The following CEMIP variants were observed in gnomAD, a reference collection of about 807,000 sequenced individuals.
The protein encoded by CEMIP is cell migration-inducing and hyaluronan-binding protein.
CEMIP carries 105 observed loss-of-function variants against 156.9 expected under a neutral mutation model. That is an observed-to-expected ratio of 0.67 (90% CI 0.57 to 0.79). The LOEUF (loss-of-function observed/expected upper bound fraction) is 0.79, where lower values mean the gene tolerates loss of function less well. Ranked by LOEUF, CEMIP falls within the 30% of genes least tolerant of loss-of-function variation. CEMIP has a pLI of 0.00. For missense variants in CEMIP, 1,457 were observed against 1,769.4 expected (o/e 0.82, Z 3.17); for synonymous variants, 676 against 668.4 (o/e 1.01, Z -0.17).
chr15:80,932,102 C>T lies in CEMIP; in HGVS notation c.2793+63C>T. 1.9e-6 allele frequency: 3 copies of T among 1,577,988 alleles called. No individual in the cohort carries two copies. The highest frequency in any genetic ancestry group is 2.6e-6 in the Non-Finnish European group (3 of 1,157,888). On this transcript the variant is annotated intron_variant, in intron 22 of 29. Coordinates refer to ENST00000394685, the MANE Select transcript of CEMIP (RefSeq NM_001293298.2). This position sits in a 1 kb window ranked among gnomAD's most constrained non-coding sequence, Gnocchi z 4.5. ...GACTTTGGATGGTGATTCACAAGTC[C>T]CCTGGGTCCCAGAGTTTGAGCTATT...
chr15:80,936,557 T>A (rs1226934249), intron 23 of CEMIP, 117 bp from the exon 24 acceptor site: 2 of 900,954 alleles, frequency 2.2e-6, no homozygotes, highest in Non-Finnish European at 3.7e-6. Flanking sequence ...CTAAAAAGGG[T>A]TCTGTAAAGA....
intron 12 of CEMIP, among the ~76,000 whole-genome samples, chr15:80,899,971 T>C (rs1687747644): frequency 6.6e-6 from 1 of 152,082 alleles, no homozygotes; most frequent in Non-Finnish European, 1.5e-5. Flanking sequence ...GGGCCTGGGG[T>C]AGCATTTGGA....
intron 1 of CEMIP, among the ~76,000 whole-genome samples, chr15:80,783,835 A>G (rs2141557782): frequency 6.6e-6 from 1 of 152,276 alleles, no homozygotes; most frequent in Non-Finnish European, 1.5e-5. Flanking sequence ...GCTTGCAGAG[A>G]AATGTCATCA....
chr15:80,826,685 G>A (rs911322617), intron 1 of CEMIP, among the ~76,000 whole-genome samples: 1 of 152,086 alleles, frequency 6.6e-6, no homozygotes, highest in African/African-American at 2.4e-5. Flanking sequence ...GCCAGACTTG[G>A]GGCAGAGGCC....
intron 1 of CEMIP, among the ~76,000 whole-genome samples, chr15:80,867,568 C>G (rs1018962339): frequency 6.6e-6 from 1 of 152,198 alleles, no homozygotes; most frequent in African/African-American, 2.4e-5. Context: ...GGCTGGGGTG[C>G]CCTGTCCCTG....
intron 1 of CEMIP, among the ~76,000 whole-genome samples, chr15:80,871,232 G>A (rs1898278874): frequency 6.6e-6 from 1 of 152,216 alleles, no homozygotes. Context: ...TCACGGACAA[G>A]AAGGCACGGA....
chr15:80,802,113 TC>T (rs1896391980), intron 1 of CEMIP, among the ~76,000 whole-genome samples: 1 of 152,228 alleles, frequency 6.6e-6, no homozygotes, highest in Admixed American at 6.5e-5. Context: ...TTGCATTGTT[TC>T]TTTGAGTCCT....
chr15:80,866,038 T>C (rs1227663557), intron 1 of CEMIP, among the ~76,000 whole-genome samples: 2 of 152,200 alleles, frequency 1.3e-5, no homozygotes, highest in Admixed American at 1.3e-4. Flanking sequence ...GTTTCAGAGC[T>C]ACCTTTCTCC....
intron 15 of CEMIP, 140 bp from the exon 16 acceptor site, chr15:80,920,892 T>A (rs1900445956): frequency 9.9e-6 from 7 of 710,628 alleles, no homozygotes. Flanking sequence ...GGGTTTCAGA[T>A]CAACAAGTCA....
intron 1 of CEMIP, among the ~76,000 whole-genome samples, chr15:80,860,931 C>T (rs748956147): frequency 7.2e-5 from 11 of 152,226 alleles, no homozygotes; most frequent in South Asian, 4.2e-4. Flanking sequence ...CTCTTCCTTC[C>T]GGTGCCTGCT....
intron 9 of CEMIP, 73 bp from the exon 10 acceptor site, chr15:80,889,398 G>A: frequency 6.2e-7 from 1 of 1,607,100 alleles, no homozygotes. Flanking sequence ...GAGGATGCTT[G>A]GAGACAACAC....
chr15:80,934,486 T>C (rs1901041684), intron 23 of CEMIP, among the ~76,000 whole-genome samples: 1 of 152,054 alleles, frequency 6.6e-6, no homozygotes, highest in Admixed American at 6.6e-5. Context: ...AATAAATGAG[T>C]AACGGGAGAG....
At chr15:80,887,134 T>C (rs1406946546) in intron 7 of CEMIP, among the ~76,000 whole-genome samples, 1 of 152,124 alleles carries the variant, frequency 6.6e-6, no homozygotes, top group East Asian at 1.9e-4. Flanking sequence ...GAATGATGGA[T>C]GTACAATTTT....
intron 17 of CEMIP, among the ~76,000 whole-genome samples, 188 bp downstream of exon 17, chr15:80,922,325 TCTC>T (rs1441619294): frequency 6.6e-6 from 1 of 152,126 alleles, no homozygotes; most frequent in African/African-American, 2.4e-5. Flanking sequence ...TCAACACAAA[TCTC>T]CTGTGGTGGT....
intron 12 of CEMIP, among the ~76,000 whole-genome samples, chr15:80,899,753 C>T (rs1899391015): frequency 6.6e-6 from 1 of 152,092 alleles, no homozygotes; most frequent in African/African-American, 2.4e-5. Context: ...CAGGGAAAGA[C>T]CGTCTAGATT....
At chr15:80,897,340 C>T (rs773320255) in intron 12 of CEMIP, 10 of 455,892 alleles carry the variant, frequency 2.2e-5, no homozygotes, top group South Asian at 1.5e-4. Context: ...GTGGAAGAAT[C>T]TGTGGAGGCA....
At chr15:80,912,031 GGCTGGGAGA>G (rs1355168349) in intron 14 of CEMIP, among the ~76,000 whole-genome samples, 1 of 151,972 alleles carries the variant, frequency 6.6e-6, no homozygotes, top group Non-Finnish European at 1.5e-5. Flanking sequence ...GGCTGGGAGA[GGCTGGGAGA>G]GCTGGGAGAG....
chr15:80,946,558 C>T (rs1395354762), intron 28 of CEMIP: 3 of 197,048 alleles, frequency 1.5e-5, no homozygotes, highest in Non-Finnish European at 3.2e-5. Flanking sequence ...TCCTCCATCA[C>T]CACATTTCTA....
At chr15:80,843,901 C>T (rs971429965) in intron 1 of CEMIP, among the ~76,000 whole-genome samples, 6 of 152,214 alleles carry the variant, frequency 3.9e-5, no homozygotes, top group African/African-American at 1.4e-4. Flanking sequence ...TATGAGACCC[C>T]TCCTTGTTTT....
Sources: allele counts gnomAD v4.1 joint callset (sites outside exome capture counted in the v4.1 genomes callset), GRCh38; gene constraint gnomAD v4.1.1; non-coding constraint Gnocchi (gnomAD v3.1); transcripts MANE v1.5; gene names NCBI Gene and HGNC (gene_info 2026-07-23, HGNC 2026-07-21).